The following SHTN1 variants were observed in gnomAD, a reference collection of about 807,000 sequenced individuals.
SHTN1 encodes shootin 1.
In SHTN1, 42 loss-of-function variants were observed where a neutral mutation model predicts 83.1. The observed-to-expected ratio is 0.51, with a 90% CI of 0.39 to 0.65. The LOEUF is 0.65. Ranked by LOEUF, SHTN1 falls within the 30% of genes least tolerant of loss-of-function variation. The pLI is 0.00. For missense variants in SHTN1, 622 were observed against 737.8 expected (o/e 0.84, Z 1.82); for synonymous variants, 224 against 247.7 (o/e 0.90, Z 0.90).
chr10:117,032,591 A>C (rs1290175933), intron 2 of SHTN1, among the ~76,000 whole-genome samples: 1 of 152,198 alleles, frequency 6.6e-6, no homozygotes, highest in African/African-American at 2.4e-5. Context: ...GCCCCAGTAC[A>C]ATAATAGCTG....
chr10:116,906,709 T>G lies in SHTN1; in HGVS notation c.1398A>C (p.Lys466Asn). Reference protein sequence around the residue: ...LNKSTSSRSLKSLDPENSETE... With the variant: ...LNKSTSSRSLNSLDPENSETE... ...TTTCACTGTTTTCAGGGTCAAGGGA[T>G]TTTAAGCTTCTTGAACTAGTGGATT... Residue 466 changes from lysine (K) to asparagine (N), a missense_variant, in exon 15 of 17, where the codon AAA becomes AAC. Around this residue, in one of 3 missense-constraint regions of SHTN1, gnomAD observed 231 missense variants for 251.6 expected, o/e 0.92. Transcript: ENST00000355371. 6.2e-7 allele frequency: 1 copy of G among 1,613,208 alleles called. No homozygotes were observed. The highest frequency in any genetic ancestry group is 8.5e-7 in the Non-Finnish European group (1 of 1,179,526).
intron 1 of SHTN1, among the ~76,000 whole-genome samples, chr10:117,073,228 T>C (rs1036908060): frequency 3.9e-5 from 6 of 152,116 alleles, no homozygotes; most frequent in African/African-American, 1.4e-4. Flanking sequence ...CGACCAAACC[T>C]AAGAATAATT....
intron 1 of SHTN1, among the ~76,000 whole-genome samples, chr10:117,065,822 AAGG>A (rs2133599261): frequency 1.2e-5 from 1 of 80,840 alleles, no homozygotes; most frequent in East Asian, 6.8e-4. Flanking sequence ...GGAAGGAAGG[AAGG>A]AAGGAAGGAA....
chr10:116,973,769 TTTCTTG>T, intron 2 of SHTN1: 1 of 817,186 alleles, frequency 1.2e-6, no homozygotes, highest in Non-Finnish European at 1.8e-6. Flanking sequence ...CTACACCATT[TTTCTTG>T]AAGTTCATTA....
chr10:116,917,571 G>T (rs748028777), intron 12 of SHTN1, among the ~76,000 whole-genome samples: 11 of 152,206 alleles, frequency 7.2e-5, no homozygotes, highest in Non-Finnish European at 1.5e-5. Context: ...AGGAAGAGCT[G>T]CATGGTGATA....
intron 1 of SHTN1, among the ~76,000 whole-genome samples, chr10:116,998,962 A>C (rs1174230807): frequency 6.6e-6 from 1 of 152,190 alleles, no homozygotes; most frequent in East Asian, 1.9e-4. Context: ...ACATGAGTTC[A>C]CACTGATGTC....
chr10:117,114,020 A>C (rs531953042), intron 1 of SHTN1, among the ~76,000 whole-genome samples: 2 of 152,168 alleles, frequency 1.3e-5, no homozygotes, highest in African/African-American at 4.8e-5. Flanking sequence ...GCACTGCAGC[A>C]TGGACGACAG....
chr10:117,103,863 TG>T (rs1196411851), intron 1 of SHTN1, among the ~76,000 whole-genome samples: 1 of 152,110 alleles, frequency 6.6e-6, no homozygotes, highest in African/African-American at 2.4e-5. Context: ...ACTTTTATTT[TG>T]GGTGTGGGGG....
At chr10:116,955,667 C>A (rs2133430081) in intron 4 of SHTN1, among the ~76,000 whole-genome samples, 1 of 152,282 alleles carries the variant, frequency 6.6e-6, no homozygotes, top group Admixed American at 6.5e-5. Flanking sequence ...GATCTGATTT[C>A]TACCCCAATA....
intron 1 of SHTN1, among the ~76,000 whole-genome samples, chr10:116,988,825 CCAT>C (rs1851315090): frequency 6.6e-6 from 1 of 152,112 alleles, no homozygotes; most frequent in South Asian, 2.1e-4. Context: ...TAGGCATGAA[CCAT>C]CATGCCTGGC....
intron 14 of SHTN1, among the ~76,000 whole-genome samples, chr10:116,909,844 T>A (rs150511069): frequency 3.9e-5 from 6 of 152,282 alleles, no homozygotes; most frequent in Non-Finnish European, 7.4e-5. Context: ...TTCTTTCTGG[T>A]TCTGTTCCAC....
chr10:116,903,843 AC>A (rs1847851689), intron 15 of SHTN1, among the ~76,000 whole-genome samples: 1 of 152,194 alleles, frequency 6.6e-6, no homozygotes, highest in African/African-American at 2.4e-5. Context: ...TTTCTTATAT[AC>A]AAAAAGACAT....
intron 13 of SHTN1, among the ~76,000 whole-genome samples, chr10:116,914,386 C>T (rs897607860): frequency 3.3e-5 from 5 of 151,760 alleles, no homozygotes; most frequent in Admixed American, 1.3e-4. Context: ...GCAGGAGAAT[C>T]GCTTGAACAC....
intron 1 of SHTN1, among the ~76,000 whole-genome samples, chr10:117,102,901 C>T (rs771538344): frequency 6.6e-6 from 1 of 152,114 alleles, no homozygotes; most frequent in Non-Finnish European, 1.5e-5. Flanking sequence ...CTCTTTCAGT[C>T]ATTTCTATTA....
intron 4 of SHTN1, 90 bp from the exon 5 acceptor site, chr10:116,954,300 T>C: frequency 2.5e-6 from 2 of 796,030 alleles, no homozygotes; most frequent in Non-Finnish European, 1.9e-6. Flanking sequence ...TATATTTTTG[T>C]CTTACATATT....
intron 11 of SHTN1, among the ~76,000 whole-genome samples, chr10:116,923,716 GTTAATGTTTT>G (rs920950055): frequency 6.6e-5 from 10 of 152,108 alleles, no homozygotes; most frequent in Middle Eastern, 3.4e-3. Flanking sequence ...ACCACTCCTG[GTTAATGTTTT>G]TTAATTTTTT....
At chr10:117,062,245 A>G (rs983861376) in intron 1 of SHTN1, among the ~76,000 whole-genome samples, 5 of 152,250 alleles carry the variant, frequency 3.3e-5, no homozygotes, top group African/African-American at 1.2e-4. Flanking sequence ...AGAGAATGAT[A>G]TGATTTATAG....
intron 15 of SHTN1, 53 bp downstream of exon 15, chr10:116,906,574 G>A: frequency 6.6e-7 from 1 of 1,518,850 alleles, no homozygotes. Context: ...AGACTTAGAA[G>A]AAGATGTTTC....
intron 1 of SHTN1, among the ~76,000 whole-genome samples, chr10:117,063,309 A>T (rs1469827547): frequency 6.6e-6 from 1 of 152,176 alleles, no homozygotes; most frequent in Non-Finnish European, 1.5e-5. Context: ...CGACTTTAGA[A>T]GTGAAGTGGA....
Sources: allele counts gnomAD v4.1 joint callset (sites outside exome capture counted in the v4.1 genomes callset), GRCh38; gene constraint gnomAD v4.1.1; regional missense constraint gnomAD v4.1.1; transcripts MANE v1.5; gene names NCBI Gene and HGNC (gene_info 2026-07-23, HGNC 2026-07-21).